The following HUNK variants were observed in gnomAD, a reference collection of about 807,000 sequenced individuals.
HUNK encodes hormonally up-regulated Neu-associated kinase, also known as hormonally up-regulated neu tumor-associated kinase.
A neutral mutation model predicts 61.0 loss-of-function variants in HUNK; 21 were observed. That is an observed-to-expected ratio of 0.34 (90% CI 0.24 to 0.50). HUNK has a LOEUF of 0.50. HUNK is among the 20% of genes least tolerant of loss of function. The pLI is 0.98. For missense variants in HUNK, 772 were observed against 945.7 expected (o/e 0.82, Z 2.41); for synonymous variants, 371 against 386.1 (o/e 0.96, Z 0.46).
chr21:31,982,751 T>A (rs1279341823), intron 7 of HUNK, among the ~76,000 whole-genome samples: 1 of 151,338 alleles, frequency 6.6e-6, no homozygotes. Context: ...TGGGGAGCAG[T>A]GTGTACATGT....
intron 4 of HUNK, among the ~76,000 whole-genome samples, chr21:31,952,079 A>C (rs2052853943): frequency 6.6e-6 from 1 of 152,156 alleles, no homozygotes; most frequent in South Asian, 2.1e-4. Flanking sequence ...GAAGGAAGGA[A>C]AGGAAAAGAA....
chr21:31,892,097 A>G (rs1410258560), intron 1 of HUNK, among the ~76,000 whole-genome samples: 3 of 149,188 alleles, frequency 2.0e-5, no homozygotes, highest in Admixed American at 1.3e-4. Flanking sequence ...CAGCTTCTGT[A>G]TCTGCAAAAT....
At chr21:31,899,042 C>T (rs557791759) in intron 1 of HUNK, among the ~76,000 whole-genome samples, 5 of 152,026 alleles carry the variant, frequency 3.3e-5, no homozygotes, top group South Asian at 2.1e-4. Context: ...CCCTTGTTCT[C>T]GGTAGGTTTA....
chr21:31,926,905 A>G (rs2052664154), intron 2 of HUNK, among the ~76,000 whole-genome samples: 2 of 152,218 alleles, frequency 1.3e-5, no homozygotes, highest in South Asian at 2.1e-4. Context: ...TGATAAATCT[A>G]ATTTTAATTT....
chr21:31,881,005 G>T (rs1049042821), intron 1 of HUNK, among the ~76,000 whole-genome samples: 1 of 152,198 alleles, frequency 6.6e-6, no homozygotes, highest in Non-Finnish European at 1.5e-5. Flanking sequence ...TTATATTTCC[G>T]CATCGGCCAG....
chr21:31,971,958 A>G (rs199510665), intron 6 of HUNK, among the ~76,000 whole-genome samples: 33 of 151,918 alleles, frequency 2.2e-4, no homozygotes, highest in Non-Finnish European at 3.7e-4. Flanking sequence ...CTTCTATAGT[A>G]GAGGGACTAC....
chr21:31,875,723 T>A (rs1260963350), intron 1 of HUNK, among the ~76,000 whole-genome samples: 1 of 152,182 alleles, frequency 6.6e-6, no homozygotes, highest in Non-Finnish European at 1.5e-5. Context: ...TGGAAACGTA[T>A]AGGATTCAGG....
chr21:31,887,759 AC>A (rs921955530), intron 1 of HUNK, among the ~76,000 whole-genome samples: 66 of 152,142 alleles, frequency 4.3e-4, no homozygotes, highest in African/African-American at 1.6e-3. Flanking sequence ...GGATGTTGTA[AC>A]CGCCTTCGGG....
At chr21:31,987,802 G>A (rs1442300891) in intron 8 of HUNK, among the ~76,000 whole-genome samples, 1 of 152,202 alleles carries the variant, frequency 6.6e-6, no homozygotes, top group Non-Finnish European at 1.5e-5. Flanking sequence ...AAGGGCCCAG[G>A]CCTCACAGGG....
intron 1 of HUNK, among the ~76,000 whole-genome samples, chr21:31,880,241 T>C (rs1472505148): frequency 6.6e-6 from 1 of 152,218 alleles, no homozygotes; most frequent in African/African-American, 2.4e-5. Context: ...TGTTCTTGCC[T>C]GCCTTGATTA....
At chr21:31,888,055 T>C (rs1490127088) in intron 1 of HUNK, among the ~76,000 whole-genome samples, 1 of 152,150 alleles carries the variant, frequency 6.6e-6, no homozygotes, top group Non-Finnish European at 1.5e-5. Flanking sequence ...TAGCCTTTTG[T>C]GGTAGGTACT....
chr21:31,911,193 A>T (rs1306796705), intron 1 of HUNK, among the ~76,000 whole-genome samples: 1 of 152,184 alleles, frequency 6.6e-6, no homozygotes, highest in Admixed American at 6.5e-5. Flanking sequence ...GCTGTTCTGG[A>T]TGTGGTAAGC....
chr21:31,996,573 C>T (rs2053207481), intron 10 of HUNK, among the ~76,000 whole-genome samples: 1 of 152,122 alleles, frequency 6.6e-6, no homozygotes, highest in South Asian at 2.1e-4. Context: ...AAAGGCAGAC[C>T]TTACTGGGCA....
chr21:32,003,729 T>G lies in HUNK; in HGVS notation c.*4545T>G, dbSNP rs1223084539. On this transcript the variant is annotated 3_prime_UTR_variant, in exon 11 of 11. Coordinates refer to ENST00000270112, the MANE Select transcript of HUNK (RefSeq NM_014586.2). ...AGACAAATAGGATATATATTTGTAC[T>G]TCTTCTCTGTGGACATGTTTTTGTG... 1 of 152,192 alleles carries G rather than the reference T, an allele frequency of 6.6e-6. No individual in the cohort carries two copies. Among genetic ancestry groups the G allele is most frequent in the African/African-American group, 2.4e-5 (1 of 41,442 alleles). 9.4% of individuals were successfully genotyped at this position (152,192 alleles called of 1,614,324 possible).
At chr21:31,966,022 C>T (rs2052963821) in intron 5 of HUNK, among the ~76,000 whole-genome samples, 1 of 152,170 alleles carries the variant, frequency 6.6e-6, no homozygotes, top group South Asian at 2.1e-4. Flanking sequence ...GAGCAGTGTA[C>T]ACTGTACCCA....
rs1033349659 is a variant in HUNK at position 31,935,599 on chromosome 21, AGCCACTGCTCTTTTTACCATC to A, written c.555-4561_555-4541del. On this transcript the variant is annotated intron_variant, in intron 2 of 10. Coordinates refer to ENST00000270112, the MANE Select transcript of HUNK (RefSeq NM_014586.2). ...TCCCTCTCACACCCCAACCCCTGGC[AGCCACTGCTCTTTTTACCATC>A]GCCATAGATTCCCAGAGTGTCATAC... Among the ~76,000 whole-genome samples, 17 of 152,234 alleles carry A rather than the reference AGCCACTGCTCTTTTTACCATC, an allele frequency of 1.1e-4. No individual in the cohort carries two copies. In the East Asian group the frequency reaches 2.1e-3, roughly 19 times the overall value.
intron 1 of HUNK, among the ~76,000 whole-genome samples, chr21:31,911,848 C>G (rs998887889): frequency 6.6e-6 from 1 of 152,090 alleles, no homozygotes; most frequent in Non-Finnish European, 1.5e-5. Flanking sequence ...CTCCCCATGT[C>G]CTGTCCCCAA....
Position 31,975,683 on chromosome 21 carries a change from A to G in HUNK, c.1173+966A>G, listed in dbSNP as rs1028997227. ...GAACATGTGCTATTGAAGTCACGTG[A>G]TAGCCCAATATGTCACCAAATTTCA... On this transcript the variant is annotated intron_variant, in intron 7 of 10. Transcript: ENST00000270112. Among the ~76,000 whole-genome samples, 3 of 152,332 alleles carry G rather than the reference A, an allele frequency of 2.0e-5. No individual in the cohort carries two copies. The South Asian group carries it at 6.2e-4, about 32-fold the overall frequency.
chr21:31,876,389 T>C (rs2052262570), intron 1 of HUNK, among the ~76,000 whole-genome samples: 1 of 152,246 alleles, frequency 6.6e-6, no homozygotes, highest in South Asian at 2.1e-4. Flanking sequence ...GTGTCATTCA[T>C]AACATTTATC....
Sources: gnomAD v4.1 joint callset for allele counts (sites outside exome capture counted in the v4.1 genomes callset) on GRCh38, gnomAD v4.1.1 for gene constraint, MANE v1.5 for transcripts, NCBI Gene and HGNC (gene_info 2026-07-23, HGNC 2026-07-21) for gene names.